The following SLC12A5 variants were observed in gnomAD, a reference collection of about 807,000 sequenced individuals.
SLC12A5 encodes solute carrier family 12 member 5.
In SLC12A5, 18 loss-of-function variants were observed where a neutral mutation model predicts 124.0. That is an observed-to-expected ratio of 0.15 (90% confidence interval 0.10 to 0.22). SLC12A5 has a LOEUF of 0.22. SLC12A5 is among the 10% of genes least tolerant of loss of function. The pLI, the probability that SLC12A5 is intolerant of heterozygous loss-of-function variation, is 1.00. For missense variants in SLC12A5, 867 were observed against 1,478.7 expected (o/e 0.59, Z 6.78); for synonymous variants, 589 against 568.0 (o/e 1.04, Z -0.53).
chr20:46,021,809 C>G (rs2145463637), upstream of SLC12A5: 2 of 1,534,464 alleles, frequency 1.3e-6, no homozygotes. Context: ...CCCGCAGGGC[C>G]CGCCAGAAGC....
intron 16 of SLC12A5, among the ~76,000 whole-genome samples, chr20:46,048,676 G>A (rs1050798406): frequency 6.6e-6 from 1 of 152,102 alleles, no homozygotes; most frequent in Non-Finnish European, 1.5e-5. Flanking sequence ...TTTGAGACAA[G>A]CCTGGACAAC....
At chr20:46,044,932 G>T (rs2084580307) in intron 11 of SLC12A5, 34 bp from the exon 12 acceptor site, 1 of 1,613,582 alleles carries the variant, frequency 6.2e-7, no homozygotes, top group Non-Finnish European at 8.5e-7. Context: ...AGGCAGCACT[G>T]CTCACCTGGC....
chr20:46,034,052 G>A (rs965806104), intron 1 of SLC12A5, among the ~76,000 whole-genome samples: 22 of 151,964 alleles, frequency 1.4e-4, no homozygotes, highest in Admixed American at 1.0e-3. Flanking sequence ...ACCAGCCTGC[G>A]CTTCCCTTCC....
chr20:46,051,545 G>A lies in SLC12A5; in HGVS notation c.2182-130G>A, dbSNP rs181550788. 19 of 784,794 alleles carry A rather than the reference G, an allele frequency of 2.4e-5. No individual in the cohort carries two copies. In the Admixed American group the frequency reaches 2.5e-4, roughly 10 times the overall value. The allele number at this position is 784,794 out of a possible 1,614,324, so 48.6% of individuals were successfully genotyped here. ...TGCCATTCTGGAGCCAGAGACTGAC[G>A]TGATCAGAGCTGAGCTTCAGGAAGA... On this transcript the variant is annotated intron_variant, in intron 17 of 25. Coordinates refer to ENST00000243964, the MANE Select transcript of SLC12A5 (RefSeq NM_020708.5).
Position 46,053,948 on chromosome 20 carries a change from C to T in SLC12A5, c.2679+239C>T, listed in dbSNP as rs1017019533. On this transcript the variant is annotated intron_variant, in intron 20 of 25. Coordinates refer to ENST00000243964, the MANE Select transcript of SLC12A5 (RefSeq NM_020708.5). This position sits in a 1 kb window ranked among gnomAD's most constrained non-coding sequence, Gnocchi z 4.7. ...CACTTTATATGTACATAAATTCCAACAACGACCAATGAGATAGATACAATT... is the reference window on the plus strand; with the variant it reads ...CACTTTATATGTACATAAATTCCAATAACGACCAATGAGATAGATACAATT... Among the ~76,000 whole-genome samples, 13 of 152,200 alleles carry T rather than the reference C, an allele frequency of 8.5e-5. No individual in the cohort carries two copies. Among genetic ancestry groups the T allele is most frequent in the Non-Finnish European group, 1.9e-4 (13 of 68,044 alleles).
chr20:46,032,594 A>G (rs1054203455), intron 1 of SLC12A5, among the ~76,000 whole-genome samples: 1 of 152,220 alleles, frequency 6.6e-6, no homozygotes. Flanking sequence ...CCTATGAGTT[A>G]AGCTTGGTTA....
At chr20:46,044,055 C>A in intron 11 of SLC12A5, 122 bp downstream of exon 11, 2 of 850,840 alleles carry the variant, frequency 2.4e-6, no homozygotes, top group Non-Finnish European at 3.6e-6. Context: ...AGGGAGGCCA[C>A]GGGGATTGCT....
In SLC12A5 at chr20:46,059,635, A is replaced by C. The variant is rs997203060; in HGVS notation, c.*2030A>C. ...GGCAAGAGCAAAGTTTCCGTTGATG[A>C]AACAGACATCCCACAACAAAAACCC... is the stretch of plus-strand genomic sequence containing the variant. On this transcript the variant is annotated 3_prime_UTR_variant, in exon 26 of 26. Coordinates refer to ENST00000243964, the MANE Select transcript of SLC12A5 (RefSeq NM_020708.5). 2.3e-5 allele frequency: 9 copies of C among 399,098 alleles called. No homozygotes were observed. The East Asian group carries it at 3.2e-4, about 14-fold the overall frequency. 24.7% of individuals were successfully genotyped at this position (399,098 alleles called of 1,614,324 possible).
chr20:46,056,058 T>G lies in SLC12A5; in HGVS notation c.2788-92T>G. 6.5e-7 allele frequency: 1 copy of G among 1,548,084 alleles called. No homozygotes were observed. Among genetic ancestry groups the G allele is most frequent in the Admixed American group, 1.9e-5 (1 of 53,550 alleles). On this transcript the variant is annotated intron_variant, in intron 21 of 25. Transcript: ENST00000243964. The surrounding 1 kb of genome is among the most constrained non-coding windows in gnomAD (Gnocchi z 4.3). Reference sequence around the variant, plus strand: ...AACTGGTACAGTTCCAGAAAGTGCATCCTGGCTGAACATCATCTCTGGTGA... The same window carrying G: ...AACTGGTACAGTTCCAGAAAGTGCAGCCTGGCTGAACATCATCTCTGGTGA...
chr20:46,029,076 CGCTCT>C, upstream of SLC12A5: 2 of 1,273,216 alleles, frequency 1.6e-6, no homozygotes, highest in Non-Finnish European at 2.0e-6. Flanking sequence ...CTCTCCCTCC[CGCTCT>C]CCCCCCAAAA....
chr20:46,056,208 C>T lies in SLC12A5; in HGVS notation c.2846C>T (p.Thr949Met), dbSNP rs758888959. Residue 949 changes from threonine to methionine, a missense_variant, in exon 22 of 26, where the codon ACG becomes ATG. Physicochemically the swap from Thr to Met is moderately conservative, Grantham distance 81 (BLOSUM62 -1). Transcript: ENST00000243964. The surrounding 1 kb of genome is among the most constrained non-coding windows in gnomAD (Gnocchi z 4.3). Reference sequence around the variant, plus strand: ...ATCCGGAGAAAGAATCCAGCCAACACGCGGCTCCGCCTGAACGTCCCAGAA... The same window carrying T: ...ATCCGGAGAAAGAATCCAGCCAACATGCGGCTCCGCCTGAACGTCCCAGAA... ...GSIRRKNPAN[T>M]RLRLNVPEET... 27 of 1,614,084 alleles carry T rather than the reference C, an allele frequency of 1.7e-5. No homozygotes were observed. The highest frequency in any genetic ancestry group is 1.6e-4 in the Middle Eastern group (1 of 6,082).
At chr20:46,046,576 C>T (rs2084597430) in intron 14 of SLC12A5, 140 bp downstream of exon 14, 4 of 677,842 alleles carry the variant, frequency 5.9e-6, no homozygotes, top group Non-Finnish European at 5.0e-6. Context: ...CTTTTGTTGA[C>T]CAACTCACAT....
chr20:46,038,961 A>C (rs2084521100), intron 6 of SLC12A5, among the ~76,000 whole-genome samples: 1 of 152,200 alleles, frequency 6.6e-6, no homozygotes, highest in Non-Finnish European at 1.5e-5. Context: ...CTAAAAATTA[A>C]AATATTTGAA....
At chr20:46,043,793 C>A in intron 10 of SLC12A5, 62 bp downstream of exon 10, 3 of 1,610,462 alleles carry the variant, frequency 1.9e-6, no homozygotes, top group South Asian at 2.2e-5. Context: ...GGCAGCTGAA[C>A]TTGCTGCCTT....
At chr20:46,031,474 C>T (rs1206874122) in intron 1 of SLC12A5, among the ~76,000 whole-genome samples, 1 of 152,108 alleles carries the variant, frequency 6.6e-6, no homozygotes, top group East Asian at 1.9e-4. Context: ...GCCAAGAGCC[C>T]CTGACATCTC....
upstream of SLC12A5, among the ~76,000 whole-genome samples, chr20:46,024,271 G>A (rs1319732110): frequency 6.6e-6 from 1 of 152,090 alleles, no homozygotes; most frequent in Non-Finnish European, 1.5e-5. Flanking sequence ...CACGTTGAAG[G>A]GTGTGCTGAT....
chr20:46,042,249 G>C (rs1419515660), intron 8 of SLC12A5, among the ~76,000 whole-genome samples: 1 of 152,186 alleles, frequency 6.6e-6, no homozygotes, highest in African/African-American at 2.4e-5. Flanking sequence ...AGGCAATGAG[G>C]AGCCACCAAG....
chr20:46,056,757 G>C lies in SLC12A5; in HGVS notation c.3111-140G>C. On this transcript the variant is annotated intron_variant, in intron 23 of 25. Transcript: ENST00000243964. The surrounding 1 kb of genome is among the most constrained non-coding windows in gnomAD (Gnocchi z 4.3). The stretch of plus-strand genomic sequence containing the variant: ...TAAGTCTCAGAATTCCCAGTTGCAG[G>C]CAGCGGAAAGGTGAAGGGTGTGGGG... The C allele has an allele frequency of 8.7e-7, 1 of 1,150,306 alleles. No homozygotes were observed. The highest frequency in any genetic ancestry group is 1.3e-5 in the South Asian group (1 of 75,944). 71.3% of individuals were successfully genotyped at this position (1,150,306 alleles called of 1,614,324 possible).
At chr20:46,021,835 C>G (rs1056105141), upstream of SLC12A5, 11 of 1,533,546 alleles carry the variant, frequency 7.2e-6, no homozygotes, top group African/African-American at 1.4e-5. Flanking sequence ...CCCAGAGTCC[C>G]GCCGGCATTC....
Sources: allele counts gnomAD v4.1 joint callset (sites outside exome capture counted in the v4.1 genomes callset), GRCh38; gene constraint gnomAD v4.1.1; non-coding constraint Gnocchi (gnomAD v3.1); transcripts MANE v1.5; gene names NCBI Gene and HGNC (gene_info 2026-07-23, HGNC 2026-07-21).